Variants in CCSER1 observed in about 807,000 individuals in gnomAD.
CCSER1 encodes coiled-coil serine rich protein 1, also known as serine-rich coiled-coil domain-containing protein 1.
A neutral mutation model predicts 82.0 loss-of-function variants in CCSER1; 41 were observed. The ratio of observed to expected loss-of-function variants is 0.50; its 90% CI spans 0.39 to 0.65. The LOEUF (loss-of-function observed/expected upper bound fraction) is 0.65, where lower values mean the gene tolerates loss of function less well. CCSER1 is among the 30% of genes least tolerant of loss of function. The probability of loss-of-function intolerance (pLI) is 0.00; values close to 1 mark genes in which losing one functional copy is unlikely to be tolerated. For missense variants in CCSER1, 1,119 were observed against 1,064.2 expected (o/e 1.05, Z -0.72); for synonymous variants, 414 against 383.9 (o/e 1.08, Z -0.92).
intron 5 of CCSER1, among the ~76,000 whole-genome samples, chr4:90,576,541 C>T (rs370547235): frequency 6.6e-6 from 1 of 152,120 alleles, no homozygotes; most frequent in Non-Finnish European, 1.5e-5. Flanking sequence ...CCTCCACTCA[C>T]CCCCTAACAA....
chr4:90,904,402 T>G (rs1725136124), intron 8 of CCSER1, among the ~76,000 whole-genome samples: 1 of 152,198 alleles, frequency 6.6e-6, no homozygotes, highest in South Asian at 2.1e-4. Context: ...AGCATAAACT[T>G]AACCATTGTT....
intron 10 of CCSER1, among the ~76,000 whole-genome samples, chr4:91,158,786 A>G (rs1038488209): frequency 1.4e-4 from 22 of 151,922 alleles, no homozygotes; most frequent in Non-Finnish European, 2.4e-4. Flanking sequence ...TGACTTCCTT[A>G]TTTCTGGCTC....
chr4:91,317,864 T>TAC (rs1352885788), intron 10 of CCSER1, among the ~76,000 whole-genome samples: 1 of 151,846 alleles, frequency 6.6e-6, no homozygotes, highest in African/African-American at 2.4e-5. Flanking sequence ...TTATAATATA[T>TAC]ACAAAGGTAG....
chr4:90,219,858 A>G (rs1206462859), intron 1 of CCSER1, among the ~76,000 whole-genome samples: 2 of 152,200 alleles, frequency 1.3e-5, no homozygotes, highest in African/African-American at 4.8e-5. Context: ...TTGCTTCTAT[A>G]AATTAGGAAT....
chr4:90,388,548 G>A (rs1030726934), intron 3 of CCSER1, among the ~76,000 whole-genome samples: 8 of 152,172 alleles, frequency 5.3e-5, no homozygotes, highest in African/African-American at 1.9e-4. Context: ...GACCTCAGGA[G>A]ATCCGCTTGC....
At chr4:91,193,349 A>G (rs1252817607) in intron 10 of CCSER1, among the ~76,000 whole-genome samples, 3 of 152,192 alleles carry the variant, frequency 2.0e-5, no homozygotes, top group Non-Finnish European at 4.4e-5. Flanking sequence ...ACTTATTCAC[A>G]GGAAATTAAA....
chr4:90,780,611 G>T, intron 7 of CCSER1: 1 of 1,441,240 alleles, frequency 6.9e-7, no homozygotes, highest in Non-Finnish European at 9.1e-7. Context: ...ATAGGCAAAG[G>T]ACAGTAGGCT....
intron 10 of CCSER1, among the ~76,000 whole-genome samples, chr4:91,531,855 C>A (rs932576566): frequency 1.3e-5 from 2 of 152,142 alleles, no homozygotes; most frequent in African/African-American, 4.8e-5. Context: ...TGACCCACCT[C>A]TTATTACTAT....
chr4:91,043,899 T>C (rs1329208821), intron 9 of CCSER1, among the ~76,000 whole-genome samples: 2 of 152,112 alleles, frequency 1.3e-5, no homozygotes, highest in Non-Finnish European at 1.5e-5. Context: ...AGACTTCTTA[T>C]GGAAAAGCTG....
intron 5 of CCSER1, among the ~76,000 whole-genome samples, chr4:90,529,789 T>A (rs1774263141): frequency 6.6e-6 from 1 of 152,118 alleles, no homozygotes; most frequent in Non-Finnish European, 1.5e-5. Context: ...TCTGCTCTGA[T>A]GCTAGGCAAA....
chr4:91,587,987 TTAA>T (rs1764083466), intron 10 of CCSER1, among the ~76,000 whole-genome samples: 1 of 151,534 alleles, frequency 6.6e-6, no homozygotes, highest in Non-Finnish European at 1.5e-5. Context: ...AGTTAAGATA[TTAA>T]TAAAATGAAA....
chr4:91,188,199 T>G (rs1182115875), intron 10 of CCSER1, among the ~76,000 whole-genome samples: 1 of 152,166 alleles, frequency 6.6e-6, no homozygotes, highest in African/African-American at 2.4e-5. Context: ...TTCAAGTGCT[T>G]TGTAAAACTT....
chr4:90,857,948 A>G (rs1022762502), intron 8 of CCSER1, among the ~76,000 whole-genome samples: 7 of 152,126 alleles, frequency 4.6e-5, no homozygotes, highest in African/African-American at 1.7e-4. Flanking sequence ...TTTGTTCCAC[A>G]TTTGTAACCA....
intron 10 of CCSER1, among the ~76,000 whole-genome samples, chr4:91,091,052 G>A (rs1391992036): frequency 6.6e-6 from 1 of 152,122 alleles, no homozygotes; most frequent in Non-Finnish European, 1.5e-5. Context: ...CACATGACCA[G>A]TACCCACATT....
intron 8 of CCSER1, among the ~76,000 whole-genome samples, chr4:90,859,228 G>C (rs542673890): frequency 1.3e-5 from 2 of 151,952 alleles, no homozygotes; most frequent in African/African-American, 4.8e-5. Context: ...CATCTGTCAT[G>C]TCAGGCTAAA....
At chr4:90,401,848 T>G (rs1228851643) in intron 4 of CCSER1, among the ~76,000 whole-genome samples, 1 of 152,186 alleles carries the variant, frequency 6.6e-6, no homozygotes, top group Non-Finnish European at 1.5e-5. Flanking sequence ...GATGTATTGT[T>G]GATAGAGAAC....
chr4:90,753,816 A>G (rs554664383), intron 7 of CCSER1, among the ~76,000 whole-genome samples: 2 of 152,166 alleles, frequency 1.3e-5, no homozygotes, highest in East Asian at 1.9e-4. Context: ...AGCTTTTCCA[A>G]TCTCATCTCT....
chr4:91,406,269 A>T (rs539677765), intron 10 of CCSER1, among the ~76,000 whole-genome samples: 1 of 152,254 alleles, frequency 6.6e-6, no homozygotes, highest in Admixed American at 6.5e-5. Context: ...TCACCTTCAA[A>T]CCCCTTCTTC....
chr4:91,286,539 C>A (rs1390301152), intron 10 of CCSER1, among the ~76,000 whole-genome samples: 1 of 151,696 alleles, frequency 6.6e-6, no homozygotes, highest in African/African-American at 2.4e-5. Flanking sequence ...TTACATGAAA[C>A]TCTATCATGT....
Sources: gnomAD v4.1 joint callset for allele counts (sites outside exome capture counted in the v4.1 genomes callset) on GRCh38, gnomAD v4.1.1 for gene constraint, MANE v1.5 for transcripts, NCBI Gene and HGNC (gene_info 2026-07-23, HGNC 2026-07-21) for gene names.